SHISA5: variants seen among roughly 807,000 people sequenced by gnomAD.
SHISA5 encodes the protein protein shisa-5.
In SHISA5, 21 loss-of-function variants were observed where a neutral mutation model predicts 27.5. That is an observed-to-expected ratio of 0.76 (90% CI 0.54 to 1.10). SHISA5 has a LOEUF of 1.10. SHISA5 is among the 50% of genes least tolerant of loss of function. SHISA5 has a pLI of 0.00. For synonymous variants in SHISA5, 137 were observed against 142.2 expected (o/e 0.96, Z 0.26); for missense variants, 314 against 336.3 (o/e 0.93, Z 0.52).
chr3:48,487,712 T>C (rs777508904), intron 2 of SHISA5, among the ~76,000 whole-genome samples: 2 of 152,118 alleles, frequency 1.3e-5, no homozygotes, highest in African/African-American at 2.4e-5. Flanking sequence ...CTGGCCAACA[T>C]AGCAAAACCC....
intron 3 of SHISA5, among the ~76,000 whole-genome samples, chr3:48,471,792 C>T (rs2040635371): frequency 6.6e-6 from 1 of 151,850 alleles, no homozygotes; most frequent in South Asian, 2.1e-4. Context: ...GCAGGAGAAT[C>T]TCTTGAACCC....
At chr3:48,485,275 C>T (rs2041163806) in intron 2 of SHISA5, among the ~76,000 whole-genome samples, 1 of 152,052 alleles carries the variant, frequency 6.6e-6, no homozygotes, top group Admixed American at 6.6e-5. Context: ...GCGGGCGGAT[C>T]ACCTGAGGTC....
chr3:48,471,734 C>G (rs372609733), intron 3 of SHISA5, among the ~76,000 whole-genome samples: 1 of 151,368 alleles, frequency 6.6e-6, no homozygotes, highest in Non-Finnish European at 1.5e-5. Context: ...AAAAATTAGC[C>G]GGACATGATG....
At position 48,504,157 on chromosome 3, in the gene SHISA5, T is replaced by G. The variant is rs1225480917; in HGVS notation, c.-63A>C. 22 of 805,694 alleles carry G rather than the reference T, an allele frequency of 2.7e-5. No homozygotes were observed. In the Admixed American group the frequency reaches 9.7e-4, roughly 35 times the overall value. The allele number at this position is 805,694 out of a possible 1,614,324, so 49.9% of individuals were successfully genotyped here. ...GGGCGCAGTGCCGCCACAGCCTCAG[T>G]GATCCGCGCGGCCGCCCCTCTCCCT... On this transcript the variant is annotated 5_prime_UTR_variant, in exon 1 of 6. Coordinates refer to ENST00000296444, the MANE Select transcript of SHISA5 (RefSeq NM_016479.6). The surrounding 1 kb of genome is among the most constrained non-coding windows in gnomAD (Gnocchi z 4.0).
intron 3 of SHISA5, among the ~76,000 whole-genome samples, chr3:48,471,558 A>G (rs2040620756): frequency 1.1e-5 from 1 of 89,794 alleles, no homozygotes; most frequent in African/African-American, 4.9e-5. Flanking sequence ...CTGTCTCAAA[A>G]AAAAAAAAAA....
upstream of SHISA5, chr3:48,504,264 G>A (rs2041840703): frequency 2.7e-6 from 1 of 374,106 alleles, no homozygotes; most frequent in Admixed American, 4.6e-5. The surrounding 1 kb of genome is among the most constrained non-coding windows in gnomAD (Gnocchi z 4.0). Flanking sequence ...GAGGAGGGAG[G>A]AGGGAGGAGG....
Position 48,467,942 on chromosome 3 carries a change from G to A in SHISA5, c.*1165C>T. On this transcript the variant is annotated 3_prime_UTR_variant, in exon 6 of 6. Coordinates refer to ENST00000296444, the MANE Select transcript of SHISA5 (RefSeq NM_016479.6). ...AGACTCAGAAACACAACAGATTTGA[G>A]CTAAGACAGCTCTGGTGAAACAGTA... 3.2e-6 allele frequency: 1 copy of A among 309,968 alleles called. No individual in the cohort carries two copies. Among genetic ancestry groups the A allele is most frequent in the Non-Finnish European group, 5.9e-6 (1 of 170,672 alleles). 19.2% of individuals were successfully genotyped at this position (309,968 alleles called of 1,614,324 possible).
chr3:48,472,453 G>A (rs553382706), intron 3 of SHISA5, among the ~76,000 whole-genome samples: 10 of 152,244 alleles, frequency 6.6e-5, no homozygotes, highest in Non-Finnish European at 1.2e-4. Context: ...CAGAGATCGC[G>A]CCACTGCACT....
At chr3:48,484,846 T>C (rs1389894283) in intron 2 of SHISA5, among the ~76,000 whole-genome samples, 1 of 152,024 alleles carries the variant, frequency 6.6e-6, no homozygotes, top group Non-Finnish European at 1.5e-5. Flanking sequence ...TGAGCCGAGA[T>C]GGCGCCACTG....
At chr3:48,503,101 G>C (rs1302043602) in intron 1 of SHISA5, 2 of 1,289,782 alleles carry the variant, frequency 1.6e-6, no homozygotes, top group East Asian at 5.5e-5. Context: ...CCACCTGAAA[G>C]CTGGTATCAT....
chr3:48,483,403 G>T (rs2041087520), intron 2 of SHISA5, among the ~76,000 whole-genome samples: 1 of 152,042 alleles, frequency 6.6e-6, no homozygotes, highest in Non-Finnish European at 1.5e-5. Flanking sequence ...ACAGGGTTGG[G>T]GGTAAGGTCA....
chr3:48,471,232 T>C (rs2040599742), intron 3 of SHISA5, among the ~76,000 whole-genome samples: 1 of 152,114 alleles, frequency 6.6e-6, no homozygotes, highest in African/African-American at 2.4e-5. Context: ...CTAACTGGTT[T>C]CCAACTCCTG....
At position 48,494,626 on chromosome 3, in the gene SHISA5, C is replaced by A. The variant is rs1460660803; in HGVS notation, c.233+6511G>T. The stretch of plus-strand genomic sequence containing the variant: ...TTCTTTTTAAGGCTGAATAGTATTT[C>A]GCTGTGTACATATACCACATTTTCT... On this transcript the variant is annotated intron_variant, in intron 2 of 5. Transcript: ENST00000296444. Among the ~76,000 whole-genome samples the A allele has an allele frequency of 6.8e-5, 10 of 147,476 alleles. 2 individuals are homozygous for A. The highest frequency in any genetic ancestry group is 2.7e-4 in the African/African-American group (10 of 37,320).
At chr3:48,477,495 C>G (rs2040865312) in intron 3 of SHISA5, among the ~76,000 whole-genome samples, 1 of 152,150 alleles carries the variant, frequency 6.6e-6, no homozygotes, top group African/African-American at 2.4e-5. Context: ...CCCTGAACTC[C>G]CGGCCTACAG....
rs1007453313 is a variant in SHISA5 at position 48,473,636 on chromosome 3, A to G, written c.315-3793T>C. ...CTGGGGCCACCATGCAAGGTCCATC[A>G]TGTCACCACCTGCTCAAACGCCAGC... On this transcript the variant is annotated intron_variant, in intron 3 of 5. Transcript: ENST00000296444. This position sits in a 1 kb window ranked among gnomAD's most constrained non-coding sequence, Gnocchi z 4.3. The G allele has an allele frequency of 1.7e-6, 2 of 1,185,022 alleles. No homozygotes were observed. Among genetic ancestry groups the G allele is most frequent in the African/African-American group, 3.2e-5 (2 of 62,518 alleles). The allele number at this position is 1,185,022 out of a possible 1,614,324, so 73.4% of individuals were successfully genotyped here. A position where few individuals can be genotyped will look rare whatever the true frequency, so the allele number is the denominator to read the frequency against.
Position 48,470,793 on chromosome 3 carries a change from G to A in SHISA5, c.315-950C>T, listed in dbSNP as rs1193556313. 1.3e-5 allele frequency among the ~76,000 whole-genome samples: 2 copies of A among 152,160 alleles called. No individual in the cohort carries two copies. The highest frequency in any genetic ancestry group is 2.4e-5 in the African/African-American group (1 of 41,458). ...AATACAAAAATTAGTCGGGCACGGT[G>A]GCGGGTGCCTGTAATCCCAGCTACT... On this transcript the variant is annotated intron_variant, in intron 3 of 5. Transcript: ENST00000296444. This position sits in a 1 kb window ranked among gnomAD's most constrained non-coding sequence, Gnocchi z 4.3.
At chr3:48,503,440 G>A (rs907113139) in intron 1 of SHISA5, among the ~76,000 whole-genome samples, 5 of 152,186 alleles carry the variant, frequency 3.3e-5, no homozygotes, top group African/African-American at 1.2e-4. Context: ...GGCTTCCCAT[G>A]GGTGGGCAGG....
chr3:48,487,055 G>A (rs900460545), intron 2 of SHISA5, among the ~76,000 whole-genome samples: 8 of 151,922 alleles, frequency 5.3e-5, no homozygotes, highest in Non-Finnish European at 8.8e-5. Flanking sequence ...AGACCAGCCT[G>A]GGCAACATAG....
In SHISA5 at chr3:48,469,385, G is replaced by C. The variant is rs765664317; in HGVS notation, c.619C>G (p.Pro207Ala). ...CCAGCCAGGGTCTCGTGGTAGGCCG[G>C]TGGGCCCATGGGCTGGGCTGGGTAA... is the stretch of plus-strand genomic sequence containing the variant. ...PPYPAQPMGP[P>A]AYHETLAGGA... Residue 207 changes from proline (P) to alanine (A), a missense_variant, in exon 5 of 6, where the codon CCG (proline) becomes GCG (alanine). Pro to Ala is a conservative substitution (Grantham distance 27). Coordinates refer to ENST00000296444, the MANE Select transcript of SHISA5 (RefSeq NM_016479.6). The surrounding 1 kb of genome is among the most constrained non-coding windows in gnomAD (Gnocchi z 4.6). 1 of 1,597,060 alleles carries C rather than the reference G, an allele frequency of 6.3e-7. No homozygotes were observed. The highest frequency in any genetic ancestry group is 1.1e-5 in the South Asian group (1 of 89,174).
Sources: gnomAD v4.1 joint callset for allele counts (sites outside exome capture counted in the v4.1 genomes callset) on GRCh38, gnomAD v4.1.1 for gene constraint, Gnocchi (gnomAD v3.1) non-coding constraint, MANE v1.5 for transcripts, NCBI Gene and HGNC (gene_info 2026-07-23, HGNC 2026-07-21) for gene names.